CYB5A: variants seen among roughly 807,000 people sequenced by gnomAD.
CYB5A encodes cytochrome b5 type A.
CYB5A carries 10 observed loss-of-function variants against 16.2 expected under a neutral mutation model. That is an observed-to-expected ratio of 0.62 (90% CI 0.38 to 1.04). CYB5A has a LOEUF of 1.04. Ranked by LOEUF, CYB5A falls within the 50% of genes least tolerant of loss-of-function variation. The probability of loss-of-function intolerance (pLI) is 0.01; values close to 1 mark genes in which losing one functional copy is unlikely to be tolerated. For missense variants in CYB5A, 161 were observed against 165.9 expected (o/e 0.97, Z 0.16); for synonymous variants, 62 against 57.0 (o/e 1.09, Z -0.40).
At chr18:74,254,446 G>A (rs2145034473) in intron 4 of CYB5A, among the ~76,000 whole-genome samples, 1 of 143,384 alleles carries the variant, frequency 7.0e-6, no homozygotes, top group African/African-American at 2.5e-5. Flanking sequence ...CTGATGCATA[G>A]AATTTCGATC....
intron 1 of CYB5A, among the ~76,000 whole-genome samples, chr18:74,281,783 G>GTGTGT (rs1983119628): frequency 2.2e-5 from 3 of 138,458 alleles, no homozygotes; most frequent in African/African-American, 2.8e-5. Flanking sequence ...GTGTGTTTCA[G>GTGTGT]GGGAGAAGGG....
At chr18:74,265,534 A>C (rs866175426) in intron 1 of CYB5A, among the ~76,000 whole-genome samples, 2 of 152,362 alleles carry the variant, frequency 1.3e-5, no homozygotes, top group Non-Finnish European at 1.5e-5. Context: ...CTCAGTAACT[A>C]TTACCCAGCA....
chr18:74,272,272 G>A (rs1054547581), intron 1 of CYB5A, among the ~76,000 whole-genome samples: 1 of 152,150 alleles, frequency 6.6e-6, no homozygotes, highest in Non-Finnish European at 1.5e-5. Flanking sequence ...AGCAAACTGG[G>A]TATCAGTTTA....
At chr18:74,272,475 C>T (rs548194978) in intron 1 of CYB5A, among the ~76,000 whole-genome samples, 2 of 152,200 alleles carry the variant, frequency 1.3e-5, no homozygotes, top group East Asian at 1.9e-4. Context: ...TCCACGCTGA[C>T]GGTTCCTCGT....
chr18:74,290,123 G>A (rs1983477838), intron 1 of CYB5A, among the ~76,000 whole-genome samples: 1 of 152,064 alleles, frequency 6.6e-6, no homozygotes, highest in South Asian at 2.1e-4. Context: ...GGAGAGGACA[G>A]GTCAGCTCTG....
chr18:74,270,801 A>G (rs1370419935), intron 1 of CYB5A, among the ~76,000 whole-genome samples: 3 of 152,188 alleles, frequency 2.0e-5, no homozygotes, highest in Non-Finnish European at 4.4e-5. Flanking sequence ...GGGGTTTGGT[A>G]TCGAGGGAGG....
Position 74,291,827 on chromosome 18 carries a change from T to C in CYB5A, c.49A>G (p.Ile17Val). The C allele has an allele frequency of 6.2e-7, 1 of 1,613,650 alleles. No homozygotes were observed. The highest frequency in any genetic ancestry group is 8.5e-7 in the Non-Finnish European group (1 of 1,179,856). The change falls in exon 1 of 5, where the codon ATT becomes GTT. Residue 17 changes from isoleucine to valine, a missense_variant. Transcript: ENST00000340533. The stretch of plus-strand genomic sequence containing the variant: ...CTCTTGCTGTGGTTGTGCTTCTGAA[T>C]CTCCTCTAGGGTGTAGTACTTCACG... ...EAVKYYTLEE[I>V]QKHNHSKSTW...
intron 3 of CYB5A, 58 bp downstream of exon 3, chr18:74,260,857 T>C (rs374762410): frequency 3.4e-6 from 5 of 1,468,624 alleles, no homozygotes; most frequent in Non-Finnish European, 4.8e-6. Flanking sequence ...TGCCTTCAGT[T>C]TGACAAGTAT....
chr18:74,282,082 C>T (rs1174113055), intron 1 of CYB5A, among the ~76,000 whole-genome samples: 3 of 152,112 alleles, frequency 2.0e-5, no homozygotes. Context: ...CTACTGACTG[C>T]CTGGGAGCCT....
At chr18:74,264,388 CTA>C (rs1482636911) in intron 1 of CYB5A, among the ~76,000 whole-genome samples, 2 of 152,174 alleles carry the variant, frequency 1.3e-5, no homozygotes, top group Non-Finnish European at 2.9e-5. Context: ...TCTACCCAAT[CTA>C]TTTTTTCTTG....
intron 4 of CYB5A, among the ~76,000 whole-genome samples, 156 bp from the exon 5 acceptor site, chr18:74,253,821 T>G (rs1290306036): frequency 6.6e-6 from 1 of 152,232 alleles, no homozygotes; most frequent in Non-Finnish European, 1.5e-5. Flanking sequence ...AAAAGTGACA[T>G]GAGTGTAACA....
intron 1 of CYB5A, among the ~76,000 whole-genome samples, chr18:74,285,446 A>G (rs986007452): frequency 6.6e-6 from 1 of 152,214 alleles, no homozygotes; most frequent in African/African-American, 2.4e-5. Flanking sequence ...TATTCCATAC[A>G]TTTCCCTTTT....
At chr18:74,285,462 G>A (rs1322313718) in intron 1 of CYB5A, among the ~76,000 whole-genome samples, 2 of 152,154 alleles carry the variant, frequency 1.3e-5, no homozygotes, top group Non-Finnish European at 2.9e-5. Flanking sequence ...CTTTTTAACA[G>A]AAGTACACAG....
In CYB5A at chr18:74,279,747, A is replaced by G. The variant is rs554980390; in HGVS notation, c.129+12000T>C. Among the ~76,000 whole-genome samples the G allele has an allele frequency of 5.3e-5, 8 of 152,312 alleles. No individual in the cohort carries two copies. In the East Asian group the frequency reaches 1.5e-3, roughly 29 times the overall value. On this transcript the variant is annotated intron_variant, in intron 1 of 4. Coordinates refer to ENST00000340533, the MANE Select transcript of CYB5A (RefSeq NM_148923.4). ...AAATATGCAGGTGAGACAAAGGAGA[A>G]ATAAAATAAGGTATCAGAAAATTAT...
chr18:74,291,339 G>A lies in CYB5A; in HGVS notation c.129+408C>T, dbSNP rs576561299. On this transcript the variant is annotated intron_variant, in intron 1 of 4. Transcript: ENST00000340533. The stretch of plus-strand genomic sequence containing the variant: ...CACCTAGCGAGGATGCCGCCGCGCA[G>A]GGCGCTCCCAGGTGTGCACGCGCAG... Among the ~76,000 whole-genome samples the A allele has an allele frequency of 4.6e-5, 7 of 152,366 alleles. No individual in the cohort carries two copies. The South Asian group carries it at 1.4e-3, about 32-fold the overall frequency.
At chr18:74,266,259 A>G (rs1423778511) in intron 1 of CYB5A, among the ~76,000 whole-genome samples, 1 of 152,174 alleles carries the variant, frequency 6.6e-6, no homozygotes, top group Non-Finnish European at 1.5e-5. Flanking sequence ...TCACCTACTG[A>G]GTAGAGAGAA....
At chr18:74,271,051 C>T (rs1465914802) in intron 1 of CYB5A, among the ~76,000 whole-genome samples, 1 of 152,194 alleles carries the variant, frequency 6.6e-6, no homozygotes, top group Non-Finnish European at 1.5e-5. Flanking sequence ...TCCAACTCCT[C>T]CAGTTCATAG....
chr18:74,256,603 T>A (rs1274885244), intron 3 of CYB5A: 1 of 548,712 alleles, frequency 1.8e-6, no homozygotes, highest in Non-Finnish European at 3.2e-6. Context: ...AGCATTCTTT[T>A]GATGTTCCAC....
chr18:74,285,843 CAAAAAAAAAAAAA>C (rs58176740), intron 1 of CYB5A, among the ~76,000 whole-genome samples: 1 of 70,866 alleles, frequency 1.4e-5, no homozygotes, highest in Non-Finnish European at 3.1e-5. Context: ...GACCCCATCT[CAAAAAAAAAAAAA>C]AAAAAAAAAG....
Sources: gnomAD v4.1 joint callset for allele counts (sites outside exome capture counted in the v4.1 genomes callset) on GRCh38, gnomAD v4.1.1 for gene constraint, MANE v1.5 for transcripts, NCBI Gene and HGNC (gene_info 2026-07-23, HGNC 2026-07-21) for gene names.